CHST11: variants seen among roughly 807,000 people sequenced by gnomAD.
CHST11 encodes carbohydrate sulfotransferase 11.
CHST11 carries 9 observed loss-of-function variants against 30.4 expected under a neutral mutation model. The observed-to-expected ratio is 0.30, with a 90% CI of 0.18 to 0.52. The LOEUF is 0.52. Among genes scored for constraint, CHST11 ranks in the 20% least tolerant of loss-of-function variants. CHST11 has a pLI of 0.97. For missense variants in CHST11, 348 were observed against 460.6 expected (o/e 0.76, Z 2.24); for synonymous variants, 152 against 187.8 (o/e 0.81, Z 1.56).
chr12:104,631,147 G>A (rs1431375326), intron 2 of CHST11, among the ~76,000 whole-genome samples: 1 of 152,232 alleles, frequency 6.6e-6, no homozygotes, highest in Non-Finnish European at 1.5e-5. Flanking sequence ...GCAGCACAGT[G>A]AGTCAATGGA....
At chr12:104,685,030 ACT>A (rs1270985168) in intron 2 of CHST11, among the ~76,000 whole-genome samples, 4 of 151,904 alleles carry the variant, frequency 2.6e-5, no homozygotes, top group Admixed American at 2.6e-4. Context: ...CCTCCAACAA[ACT>A]CTGCATGGAT....
intron 2 of CHST11, among the ~76,000 whole-genome samples, chr12:104,716,359 C>T (rs1241822752): frequency 6.6e-6 from 1 of 152,228 alleles, no homozygotes; most frequent in Non-Finnish European, 1.5e-5. Context: ...AGCTGTGTGA[C>T]CATGAGCACC....
chr12:104,533,144 C>T (rs2135996147), intron 1 of CHST11, among the ~76,000 whole-genome samples: 1 of 152,282 alleles, frequency 6.6e-6, no homozygotes, highest in Non-Finnish European at 1.5e-5. Context: ...TTCCATCACT[C>T]TGTTTTATAA....
intron 2 of CHST11, among the ~76,000 whole-genome samples, chr12:104,614,920 C>T (rs1252654119): frequency 6.6e-6 from 1 of 152,164 alleles, no homozygotes; most frequent in African/African-American, 2.4e-5. Flanking sequence ...ATCCACACCC[C>T]TCTTCTTGGA....
At chr12:104,522,216 C>T (rs1244060286) in intron 1 of CHST11, among the ~76,000 whole-genome samples, 7 of 152,162 alleles carry the variant, frequency 4.6e-5, no homozygotes, top group Admixed American at 4.6e-4. Context: ...GAGCGAACTT[C>T]CTGGGAAAGC....
chr12:104,630,803 C>T (rs1211403711), intron 2 of CHST11, among the ~76,000 whole-genome samples: 2 of 152,160 alleles, frequency 1.3e-5, no homozygotes, highest in Non-Finnish European at 2.9e-5. Flanking sequence ...GGATTTAAAT[C>T]AATTGATATC....
chr12:104,714,040 C>T (rs1284559076), intron 2 of CHST11, among the ~76,000 whole-genome samples: 2 of 152,166 alleles, frequency 1.3e-5, no homozygotes, highest in South Asian at 2.1e-4. Flanking sequence ...AAGGCTACCC[C>T]CTGCCTCCCA....
chr12:104,479,379 A>G lies in CHST11; in HGVS notation c.118+21850A>G, dbSNP rs774420970. On this transcript the variant is annotated intron_variant, in intron 1 of 2. Transcript: ENST00000303694. ...CCAGCAGTTTCCACAAAAGTTCTGG[A>G]ATGTAAAGTTCTTAAGGGCAGGGAT... Among the ~76,000 whole-genome samples, 103 of 151,940 alleles carry G rather than the reference A, an allele frequency of 6.8e-4. 2 individuals are homozygous for G. Among genetic ancestry groups the G allele is most frequent in the Non-Finnish European group, 2.5e-4 (17 of 68,000 alleles).
At chr12:104,671,574 G>A (rs1019668258) in intron 2 of CHST11, among the ~76,000 whole-genome samples, 25 of 152,118 alleles carry the variant, frequency 1.6e-4, no homozygotes, top group African/African-American at 4.1e-4. Context: ...CGCAGCAAAC[G>A]GGCCAGGACA....
Position 104,629,410 on chromosome 12 carries a change from G to A in CHST11, c.204+27419G>A, listed in dbSNP as rs533245335. Among the ~76,000 whole-genome samples, 8 of 152,314 alleles carry A rather than the reference G, an allele frequency of 5.3e-5. No homozygotes were observed. The South Asian group carries it at 8.3e-4, about 16-fold the overall frequency. ...ACTCACAGTGGCTTGCTTCTTCAAGGCCAAGAGGACAGTCTCTCTGAGTTC... is the reference window on the plus strand; with the variant it reads ...ACTCACAGTGGCTTGCTTCTTCAAGACCAAGAGGACAGTCTCTCTGAGTTC... On this transcript the variant is annotated intron_variant, in intron 2 of 2. Coordinates refer to ENST00000303694, the MANE Select transcript of CHST11 (RefSeq NM_018413.6).
intron 2 of CHST11, among the ~76,000 whole-genome samples, chr12:104,664,459 A>C (rs540475998): frequency 2.6e-5 from 4 of 152,220 alleles, no homozygotes; most frequent in Non-Finnish European, 5.9e-5. Context: ...TAAAAATGTA[A>C]GATTTATTTT....
intron 2 of CHST11, among the ~76,000 whole-genome samples, chr12:104,719,909 G>A (rs1374181603): frequency 6.6e-6 from 1 of 152,204 alleles, no homozygotes; most frequent in Non-Finnish European, 1.5e-5. Context: ...GGCTTTCCTT[G>A]TCTTGCACCC....
chr12:104,604,240 G>A (rs2038982520), intron 2 of CHST11, among the ~76,000 whole-genome samples: 2 of 152,168 alleles, frequency 1.3e-5, no homozygotes, highest in Non-Finnish European at 2.9e-5. Context: ...AGTAGCCTGG[G>A]ACTTGGGAGG....
At chr12:104,744,013 C>T (rs1360148947) in intron 2 of CHST11, among the ~76,000 whole-genome samples, 1 of 152,140 alleles carries the variant, frequency 6.6e-6, no homozygotes, top group Non-Finnish European at 1.5e-5. Context: ...TATTATTGGG[C>T]ATTTAGGTTG....
chr12:104,585,970 A>G (rs1475165939), intron 1 of CHST11, among the ~76,000 whole-genome samples: 1 of 152,098 alleles, frequency 6.6e-6, no homozygotes, highest in Non-Finnish European at 1.5e-5. Context: ...TAAGGACACT[A>G]GTCTGACCTC....
At chr12:104,601,420 C>T (rs2038956178) in intron 1 of CHST11, among the ~76,000 whole-genome samples, 1 of 152,200 alleles carries the variant, frequency 6.6e-6, no homozygotes. Context: ...GGAGGCTGGG[C>T]CTCTGACCTG....
At chr12:104,710,687 G>A (rs1285191579) in intron 2 of CHST11, among the ~76,000 whole-genome samples, 3 of 152,188 alleles carry the variant, frequency 2.0e-5, no homozygotes, top group African/African-American at 7.2e-5. Flanking sequence ...CCCAGACGAT[G>A]AGTAAACGTG....
chr12:104,712,272 G>A (rs75561023), intron 2 of CHST11, among the ~76,000 whole-genome samples: 2 of 152,250 alleles, frequency 1.3e-5, no homozygotes, highest in Non-Finnish European at 2.9e-5. Flanking sequence ...ACAGCCAACT[G>A]AGGGGTGAAA....
intron 1 of CHST11, among the ~76,000 whole-genome samples, chr12:104,583,621 T>C (rs2038770110): frequency 6.6e-6 from 1 of 152,252 alleles, no homozygotes; most frequent in Non-Finnish European, 1.5e-5. Context: ...TCAGCACTTC[T>C]TGATGGCAGC....
Sources: gnomAD v4.1 joint callset for allele counts (sites outside exome capture counted in the v4.1 genomes callset) on GRCh38, gnomAD v4.1.1 for gene constraint, MANE v1.5 for transcripts, NCBI Gene and HGNC (gene_info 2026-07-23, HGNC 2026-07-21) for gene names.